DLG2: variants seen among roughly 807,000 people sequenced by gnomAD.
The protein encoded by DLG2 is disks large homolog 2.
In DLG2, 45 loss-of-function variants were observed where a neutral mutation model predicts 132.5. The observed-to-expected ratio is 0.34, with a 90% CI of 0.27 to 0.44. The LOEUF (loss-of-function observed/expected upper bound fraction) is 0.44. Ranked by LOEUF, DLG2 falls within the 20% of genes least tolerant of loss-of-function variation. The pLI is 1.00. For synonymous variants in DLG2, 424 were observed against 419.6 expected (o/e 1.01, Z -0.13); for missense variants, 1,045 against 1,196.9 (o/e 0.87, Z 1.87).
At chr11:84,321,962 A>C (rs1259530140) in intron 7 of DLG2, among the ~76,000 whole-genome samples, 1 of 152,188 alleles carries the variant, frequency 6.6e-6, no homozygotes, top group Non-Finnish European at 1.5e-5. Flanking sequence ...TACAACACTT[A>C]ACAAAATTGT....
chr11:84,616,618 G>T (rs2099604862), intron 6 of DLG2, among the ~76,000 whole-genome samples: 1 of 152,050 alleles, frequency 6.6e-6, no homozygotes. Flanking sequence ...CCACAATATA[G>T]TTTACTACTA....
intron 3 of DLG2, among the ~76,000 whole-genome samples, chr11:85,494,078 T>C (rs1296131604): frequency 2.6e-5 from 4 of 152,088 alleles, no homozygotes; most frequent in Non-Finnish European, 5.9e-5. Context: ...TGACCCCTTA[T>C]ATAAGGATAC....
At chr11:84,275,455 C>T (rs1408808966) in intron 7 of DLG2, among the ~76,000 whole-genome samples, 1 of 152,112 alleles carries the variant, frequency 6.6e-6, no homozygotes, top group African/African-American at 2.4e-5. Context: ...TTCAGGTTCA[C>T]ACCATTTTCC....
intron 8 of DLG2, among the ~76,000 whole-genome samples, chr11:84,183,292 A>G (rs966045869): frequency 1.3e-5 from 2 of 152,232 alleles, no homozygotes; most frequent in Admixed American, 6.5e-5. Context: ...ACTGTTAACT[A>G]TGGACTTTGA....
At chr11:83,718,951 C>T (rs990714376) in intron 18 of DLG2, among the ~76,000 whole-genome samples, 1 of 152,174 alleles carries the variant, frequency 6.6e-6, no homozygotes, top group Admixed American at 6.5e-5. Context: ...ATTCCAGCAC[C>T]TATAGGCACC....
At chr11:84,121,628 C>T (rs2093922909) in intron 9 of DLG2, among the ~76,000 whole-genome samples, 1 of 127,914 alleles carries the variant, frequency 7.8e-6, no homozygotes, top group African/African-American at 2.9e-5. Context: ...GTGGCACGAT[C>T]TCGGCTCACT....
intron 6 of DLG2, among the ~76,000 whole-genome samples, chr11:84,562,429 G>A (rs997074412): frequency 6.6e-6 from 1 of 152,020 alleles, no homozygotes. Flanking sequence ...CTACATGAAG[G>A]CTTCTGGGTT....
chr11:84,755,814 T>A (rs1337242527), intron 6 of DLG2, among the ~76,000 whole-genome samples: 1 of 152,228 alleles, frequency 6.6e-6, no homozygotes, highest in Non-Finnish European at 1.5e-5. Flanking sequence ...CAATTTTCAA[T>A]ATATGCTAGG....
intron 8 of DLG2, among the ~76,000 whole-genome samples, chr11:84,218,040 T>G (rs1050046703): frequency 9.2e-5 from 14 of 151,990 alleles, no homozygotes; most frequent in African/African-American, 2.9e-4. Context: ...TGGTGGCATG[T>G]GCCTGTAATC....
rs192100179 is a variant in DLG2, at chr11:84,832,629, A to G, written c.357+279032T>C. ...ATTCTTAGGCCTGAAAAGCAACATA[A>G]ATAAGTAATCATACATTATGGGATC... On this transcript the variant is annotated intron_variant, in intron 6 of 27. Coordinates refer to ENST00000376104, the MANE Select transcript of DLG2 (RefSeq NM_001142699.3). 4.6e-5 allele frequency among the ~76,000 whole-genome samples: 7 copies of G among 151,780 alleles called. No individual in the cohort carries two copies. In the East Asian group the frequency reaches 1.4e-3, roughly 30 times the overall value.
At chr11:83,922,614 G>A (rs78625705) in intron 15 of DLG2, among the ~76,000 whole-genome samples, 2,770 of 152,158 alleles carry the variant, frequency 0.018, 92 homozygotes, top group African/African-American at 0.063. Context: ...AGATTGAATC[G>A]TGTGAACAAG....
intron 15 of DLG2, among the ~76,000 whole-genome samples, chr11:83,903,806 T>C (rs961445842): frequency 1.3e-5 from 2 of 152,196 alleles, no homozygotes; most frequent in Admixed American, 6.5e-5. Context: ...TAAATTATTG[T>C]GGATTATATT....
chr11:85,173,700 C>T (rs1222211237), intron 4 of DLG2, among the ~76,000 whole-genome samples: 1 of 152,050 alleles, frequency 6.6e-6, no homozygotes, highest in East Asian at 1.9e-4. Flanking sequence ...AGAGTCAAGA[C>T]CCATTGGCGT....
chr11:84,179,673 A>G (rs1404157005), intron 8 of DLG2, among the ~76,000 whole-genome samples: 1 of 152,194 alleles, frequency 6.6e-6, no homozygotes, highest in Non-Finnish European at 1.5e-5. Flanking sequence ...GAAGTAGGTT[A>G]GAGCATTCAG....
intron 6 of DLG2, among the ~76,000 whole-genome samples, chr11:85,050,325 T>TA (rs535853748): frequency 1.9e-3 from 284 of 152,100 alleles, no homozygotes; most frequent in African/African-American, 6.6e-3. Context: ...GAAGAAAATA[T>TA]AAAAAAGAAT....
chr11:84,480,553 G>C (rs1009596802), intron 7 of DLG2, among the ~76,000 whole-genome samples: 2 of 151,866 alleles, frequency 1.3e-5, no homozygotes, highest in Non-Finnish European at 2.9e-5. Context: ...AAGAAAAAAA[G>C]AAAGAAAAAA....
intron 6 of DLG2, chr11:84,545,641 C>A: frequency 3.4e-6 from 1 of 297,428 alleles, no homozygotes; most frequent in South Asian, 4.1e-5. Context: ...AGTCATGGTC[C>A]TTAAGAGTTA....
At position 84,749,969 on chromosome 11, in the gene DLG2, A is replaced by G. The variant is rs547337054; in HGVS notation, c.358-215238T>C. On this transcript the variant is annotated intron_variant, in intron 6 of 27. Transcript: ENST00000376104. Reference sequence around the variant, plus strand: ...ATACCTAGAAGAGTGCCTAGCATATAGTAAGTTCTCAGCAAATATTTGTGT... The same window carrying G: ...ATACCTAGAAGAGTGCCTAGCATATGGTAAGTTCTCAGCAAATATTTGTGT... 6.8e-4 allele frequency among the ~76,000 whole-genome samples: 103 copies of G among 152,312 alleles called. 2 individuals are homozygous for G. In the South Asian group the frequency reaches 0.021, roughly 31 times the overall value.
intron 9 of DLG2, among the ~76,000 whole-genome samples, chr11:84,120,872 T>C (rs1287550099): frequency 6.6e-6 from 1 of 152,226 alleles, no homozygotes; most frequent in Non-Finnish European, 1.5e-5. Flanking sequence ...TTCTTTCGAA[T>C]AACTATATCC....
Sources: allele counts gnomAD v4.1 joint callset (sites outside exome capture counted in the v4.1 genomes callset), GRCh38; gene constraint gnomAD v4.1.1; transcripts MANE v1.5; gene names NCBI Gene and HGNC (gene_info 2026-07-23, HGNC 2026-07-21).